The following PSIP1 variants were observed in gnomAD, a reference collection of about 807,000 sequenced individuals.
The protein encoded by PSIP1 is PC4 and SFRS1-interacting protein.
Under a neutral mutation model 74.7 loss-of-function variants are expected in PSIP1, and 19 were observed. The observed-to-expected ratio is 0.25, with a 90% CI of 0.18 to 0.37. The LOEUF (loss-of-function observed/expected upper bound fraction) is 0.37. Among genes scored for constraint, PSIP1 ranks in the 10% least tolerant of loss-of-function variants. PSIP1 has a pLI of 1.00. For synonymous variants in PSIP1, 222 were observed against 195.3 expected, an observed-to-expected ratio of 1.14 and a Z score of -1.14; for missense variants, 601 against 614.3, an observed-to-expected ratio of 0.98 and a Z score of 0.23.
intron 6 of PSIP1, among the ~76,000 whole-genome samples, chr9:15,480,697 G>A (rs1220154071): frequency 1.3e-5 from 2 of 152,216 alleles, no homozygotes; most frequent in African/African-American, 4.8e-5. Flanking sequence ...CAAGGTGAGT[G>A]GATCACTTGA....
At position 15,464,531 on chromosome 9, in the gene PSIP1, T is replaced by C. The variant is rs1238880402; in HGVS notation, c.*989A>G. 5.0e-6 allele frequency: 1 copy of C among 200,882 alleles called. No individual in the cohort carries two copies. The highest frequency in any genetic ancestry group is 7.8e-5 in the East Asian group (1 of 12,820). The allele number at this position is 200,882 out of a possible 1,614,324, so 12.4% of individuals were successfully genotyped here. A position where few individuals can be genotyped will look rare whatever the true frequency, so the allele number is the denominator to read the frequency against. Reference sequence around the variant, plus strand: ...GTACAATGCTGGAACAACTAGTGTTTGTATTTTTGGAATCTAGAAAATAAA... The same window carrying C: ...GTACAATGCTGGAACAACTAGTGTTCGTATTTTTGGAATCTAGAAAATAAA... On this transcript the variant is annotated 3_prime_UTR_variant, in exon 16 of 16. Transcript: ENST00000380733.
intron 10 of PSIP1, chr9:15,470,499 A>G: frequency 1.3e-6 from 1 of 769,584 alleles, no homozygotes. Context: ...CATTTCACAA[A>G]AGGTACCATT....
Position 15,464,543 on chromosome 9 carries a change from A to G in PSIP1, c.*977T>C, listed in dbSNP as rs112940628. The stretch of plus-strand genomic sequence containing the variant: ...AACAACTAGTGTTTGTATTTTTGGA[A>G]TCTAGAAAATAAAAACAATATAGCC... On this transcript the variant is annotated 3_prime_UTR_variant, in exon 16 of 16. Coordinates refer to ENST00000380733, the MANE Select transcript of PSIP1 (RefSeq NM_033222.5). 5.4e-3 allele frequency: 1,086 copies of G among 199,918 alleles called. 11 individuals are homozygous for G. Among genetic ancestry groups the G allele is most frequent in the African/African-American group, 0.023 (1,016 of 43,576 alleles). 12.4% of individuals were successfully genotyped at this position (199,918 alleles called of 1,614,324 possible).
chr9:15,480,713 G>A (rs1370954017), intron 6 of PSIP1, among the ~76,000 whole-genome samples: 1 of 152,214 alleles, frequency 6.6e-6, no homozygotes, highest in African/African-American at 2.4e-5. Context: ...CTTGAGGTTA[G>A]AAGTTCATGA....
At chr9:15,476,255 T>TA (rs1265904856) in intron 8 of PSIP1, among the ~76,000 whole-genome samples, 1 of 152,106 alleles carries the variant, frequency 6.6e-6, no homozygotes, top group African/African-American at 2.4e-5. Flanking sequence ...AGCTCACTAA[T>TA]AGAGAAACTG....
At chr9:15,506,996 T>C (rs1169707610) in intron 2 of PSIP1, among the ~76,000 whole-genome samples, 2 of 152,256 alleles carry the variant, frequency 1.3e-5, no homozygotes, top group Non-Finnish European at 2.9e-5. Flanking sequence ...CCCAGAATTC[T>C]GAATTGTTAA....
intron 6 of PSIP1, among the ~76,000 whole-genome samples, chr9:15,484,603 C>T (rs1360896155): frequency 4.0e-5 from 6 of 151,708 alleles, no homozygotes; most frequent in Admixed American, 3.3e-4. Context: ...GGTGTGCACC[C>T]GTAATCCCAG....
intron 3 of PSIP1, chr9:15,492,273 G>A (rs1190883827): frequency 6.6e-6 from 1 of 152,222 alleles, no homozygotes; most frequent in South Asian, 2.1e-4. Flanking sequence ...ACAATGGGGG[G>A]ACAGGCATTG....
rs1348022530 is a variant in PSIP1 at position 15,490,152 on chromosome 9, T to G, written c.150-28A>C. 3.9e-6 allele frequency: 6 copies of G among 1,545,948 alleles called. No individual in the cohort carries two copies. In the African/African-American group the frequency reaches 5.6e-5, roughly 14 times the overall value. ...AAAAAAGAAGTGGGGAAGATGTGAG[T>G]GCAAAGCAAGCTCAAATACATAATT... On this transcript the variant is annotated intron_variant, in intron 3 of 15. Transcript: ENST00000380733.
At chr9:15,466,692 GATTAAA>G in intron 15 of PSIP1, 50 bp downstream of exon 15, 1 of 1,363,904 alleles carries the variant, frequency 7.3e-7, no homozygotes, top group South Asian at 1.3e-5. Context: ...ACAGAACTGT[GATTAAA>G]AACCTGAATA....
At chr9:15,494,890 T>C (rs2037005244) in intron 3 of PSIP1, among the ~76,000 whole-genome samples, 1 of 152,172 alleles carries the variant, frequency 6.6e-6, no homozygotes. Context: ...TCCTCTTATG[T>C]AACAGGTTTC....
chr9:15,492,398 C>T (rs2036872404), intron 3 of PSIP1, among the ~76,000 whole-genome samples: 1 of 152,258 alleles, frequency 6.6e-6, no homozygotes, highest in African/African-American at 2.4e-5. Context: ...TCTCCTTTGA[C>T]TGCATGTCTC....
At chr9:15,472,943 T>A (rs2035904319) in intron 9 of PSIP1, among the ~76,000 whole-genome samples, 193 bp from the exon 10 acceptor site, 1 of 152,234 alleles carries the variant, frequency 6.6e-6, no homozygotes. Flanking sequence ...CGTGAAATAA[T>A]CATCTTGTTT....
chr9:15,470,651 A>G (rs1489916090), intron 10 of PSIP1: 2 of 940,180 alleles, frequency 2.1e-6, no homozygotes, highest in Non-Finnish European at 2.5e-6. Flanking sequence ...TTTTTAAAAA[A>G]AACTTTATTT....
In PSIP1 at chr9:15,465,261, C is replaced by T. The variant is rs1360521140; in HGVS notation, c.*259G>A. 7.4e-6 allele frequency: 3 copies of T among 403,208 alleles called. No homozygotes were observed. Among genetic ancestry groups the T allele is most frequent in the African/African-American group, 6.3e-5 (3 of 47,982 alleles). 25.0% of individuals were successfully genotyped at this position (403,208 alleles called of 1,614,324 possible). ...ACACACACTAATTGAAAATATGCTA[C>T]AACCATGTCTGGAAAAGCAGTTTAA... On this transcript the variant is annotated 3_prime_UTR_variant, in exon 16 of 16. Coordinates refer to ENST00000380733, the MANE Select transcript of PSIP1 (RefSeq NM_033222.5).
intron 3 of PSIP1, among the ~76,000 whole-genome samples, chr9:15,500,499 C>A (rs971260647): frequency 3.9e-5 from 6 of 152,010 alleles, no homozygotes; most frequent in African/African-American, 1.5e-4. Context: ...ATAAACAGTT[C>A]ATCTCATTAT....
In PSIP1 at chr9:15,465,224, A is replaced by C. The variant is rs2035537487; in HGVS notation, c.*296T>G. 1 of 299,020 alleles carries C rather than the reference A, an allele frequency of 3.3e-6. No homozygotes were observed. The highest frequency in any genetic ancestry group is 1.1e-4 in the South Asian group (1 of 9,150). The allele number at this position is 299,020 out of a possible 1,614,324, so 18.5% of individuals were successfully genotyped here. Reference sequence around the variant, plus strand: ...ATGTAACTTTGTTCTACTATCAATTACACATTAACATACACACACTAATTG... The same window carrying C: ...ATGTAACTTTGTTCTACTATCAATTCCACATTAACATACACACACTAATTG... On this transcript the variant is annotated 3_prime_UTR_variant, in exon 16 of 16. Coordinates refer to ENST00000380733, the MANE Select transcript of PSIP1 (RefSeq NM_033222.5).
intron 3 of PSIP1, among the ~76,000 whole-genome samples, chr9:15,500,078 T>A (rs2037261086): frequency 6.6e-6 from 1 of 152,164 alleles, no homozygotes; most frequent in Non-Finnish European, 1.5e-5. Flanking sequence ...AAATATTTTA[T>A]ATTTTATAAT....
chr9:15,488,221 A>T (rs1363059737), intron 4 of PSIP1, among the ~76,000 whole-genome samples: 4 of 151,930 alleles, frequency 2.6e-5, no homozygotes, highest in African/African-American at 9.7e-5. Flanking sequence ...AATCCCAGCT[A>T]CTCAGGAGGC....
Sources: allele counts gnomAD v4.1 joint callset (sites outside exome capture counted in the v4.1 genomes callset), GRCh38; gene constraint gnomAD v4.1.1; transcripts MANE v1.5; gene names NCBI Gene and HGNC (gene_info 2026-07-23, HGNC 2026-07-21).